Variants in FMN2 observed in about 807,000 individuals in gnomAD.
FMN2 encodes formin 2, also known as formin-2.
In FMN2, 51 loss-of-function variants were observed where a neutral mutation model predicts 142.3. The observed-to-expected ratio is 0.36, with a 90% CI of 0.29 to 0.45. FMN2 has a LOEUF of 0.45. Ranked by LOEUF, FMN2 falls within the 20% of genes least tolerant of loss-of-function variation. The pLI is 1.00. For synonymous variants in FMN2, 882 were observed against 869.8 expected (o/e 1.01, Z -0.25); for missense variants, 1,936 against 2,122.8 (o/e 0.91, Z 1.73).
At chr1:240,188,354 G>T (rs943701933) in intron 4 of FMN2, 92 bp downstream of exon 4, 3 of 1,359,430 alleles carry the variant, frequency 2.2e-6, no homozygotes, top group Non-Finnish European at 3.1e-6. Flanking sequence ...CCATCTGCCC[G>T]GCTGGCTAGG....
chr1:240,216,015 T>G (rs996950384), intron 6 of FMN2, among the ~76,000 whole-genome samples: 2 of 152,188 alleles, frequency 1.3e-5, no homozygotes, highest in Non-Finnish European at 2.9e-5. Flanking sequence ...GGCCAATATT[T>G]TAGCAGATTT....
chr1:240,201,994 ATGT>A (rs1162789785), intron 4 of FMN2, among the ~76,000 whole-genome samples: 3 of 152,208 alleles, frequency 2.0e-5, no homozygotes, highest in South Asian at 2.1e-4. Flanking sequence ...GGACATTTGA[ATGT>A]TGTTGTAGAG....
chr1:240,104,641 C>A (rs1661536043), intron 1 of FMN2, among the ~76,000 whole-genome samples: 1 of 152,138 alleles, frequency 6.6e-6, no homozygotes, highest in African/African-American at 2.4e-5. Flanking sequence ...CTCTGAGTTG[C>A]AGACCTCATT....
At chr1:240,386,015 A>G (rs1673395227) in intron 14 of FMN2, among the ~76,000 whole-genome samples, 1 of 152,194 alleles carries the variant, frequency 6.6e-6, no homozygotes, top group Admixed American at 6.5e-5. Context: ...GGAGTATTCC[A>G]CAACATTGTT....
chr1:240,351,090 A>G (rs576207542), intron 13 of FMN2, among the ~76,000 whole-genome samples: 1 of 152,332 alleles, frequency 6.6e-6, no homozygotes, highest in Admixed American at 6.5e-5. Context: ...TCTATCCTCA[A>G]AACAAGCAGA....
intron 6 of FMN2, among the ~76,000 whole-genome samples, chr1:240,216,034 A>G (rs1666881873): frequency 6.6e-6 from 1 of 152,206 alleles, no homozygotes; most frequent in Non-Finnish European, 1.5e-5. Context: ...TTTGACAAGT[A>G]TATAAACTGT....
intron 15 of FMN2, among the ~76,000 whole-genome samples, chr1:240,429,865 TC>T (rs1675079091): frequency 6.6e-6 from 1 of 150,982 alleles, no homozygotes; most frequent in Non-Finnish European, 1.5e-5. Context: ...CTGTGAACAT[TC>T]CTTTTTTGTT....
chr1:240,120,343 C>G (rs959977182), intron 1 of FMN2, among the ~76,000 whole-genome samples: 2 of 152,134 alleles, frequency 1.3e-5, no homozygotes, highest in African/African-American at 4.8e-5. Context: ...CAAAATTAAA[C>G]CAGTGAAAAA....
intron 8 of FMN2, among the ~76,000 whole-genome samples, chr1:240,324,692 AGAGG>A (rs199636897): frequency 0.068 from 9,067 of 133,248 alleles, 499 homozygotes; most frequent in Admixed American, 0.19. Flanking sequence ...AGAGAGAGAG[AGAGG>A]GAGGGAGGGA....
At chr1:240,286,351 A>C (rs140436901) in intron 7 of FMN2, among the ~76,000 whole-genome samples, 388 of 152,308 alleles carry the variant, frequency 2.5e-3, no homozygotes, top group Non-Finnish European at 4.0e-3. Flanking sequence ...AAGAAAATCA[A>C]CCTGATGAAG....
chr1:240,144,115 C>T, intron 2 of FMN2: 1 of 1,174,782 alleles, frequency 8.5e-7, no homozygotes, highest in Non-Finnish European at 1.3e-6. Flanking sequence ...CCACCATCCA[C>T]ATCCCACAGC....
chr1:240,428,388 T>C (rs1447795683), intron 15 of FMN2, among the ~76,000 whole-genome samples: 2 of 136,806 alleles, frequency 1.5e-5, no homozygotes, highest in Middle Eastern at 3.5e-3. Flanking sequence ...CCACCACACC[T>C]GGCAAATTTT....
chr1:240,441,400 G>A (rs1675613457), intron 16 of FMN2, among the ~76,000 whole-genome samples: 1 of 152,112 alleles, frequency 6.6e-6, no homozygotes, highest in African/African-American at 2.4e-5. Flanking sequence ...TTAAGAGTGT[G>A]AAACTTCTTG....
At chr1:240,460,219 T>C (rs992125837) in intron 16 of FMN2, among the ~76,000 whole-genome samples, 10 of 152,274 alleles carry the variant, frequency 6.6e-5, no homozygotes, top group Non-Finnish European at 1.2e-4. Context: ...CTGTATTTGC[T>C]AAAAGACATG....
intron 4 of FMN2, among the ~76,000 whole-genome samples, chr1:240,196,575 G>A (rs1040801119): frequency 1.3e-5 from 2 of 152,086 alleles, no homozygotes; most frequent in African/African-American, 4.8e-5. Flanking sequence ...GCAATGGCAT[G>A]ATCTCGGCTC....
rs965621739 is a variant in FMN2, at chr1:240,333,207, A to C, written c.4585-680A>C. Among the ~76,000 whole-genome samples the C allele has an allele frequency of 6.4e-4, 97 of 152,170 alleles. 2 individuals are homozygous for C. Among genetic ancestry groups the C allele is most frequent in the African/African-American group, 2.1e-3 (86 of 41,462 alleles). The stretch of plus-strand genomic sequence containing the variant: ...AATGCGCCTAAATAAACCAGAAAGG[A>C]GGTGAAAAGGTATTTTTGAAGTGTG... On this transcript the variant is annotated intron_variant, in intron 11 of 17. Coordinates refer to ENST00000319653, the MANE Select transcript of FMN2 (RefSeq NM_020066.5).
intron 14 of FMN2, among the ~76,000 whole-genome samples, chr1:240,361,947 G>A (rs1672500401): frequency 6.6e-6 from 1 of 152,224 alleles, no homozygotes; most frequent in South Asian, 2.1e-4. Context: ...ACGGAAGCCA[G>A]AATTGGGAAG....
intron 7 of FMN2, among the ~76,000 whole-genome samples, chr1:240,262,016 G>T (rs1322259512): frequency 6.6e-6 from 1 of 152,012 alleles, no homozygotes; most frequent in Non-Finnish European, 1.5e-5. Context: ...GCTGTAGGAG[G>T]GTCCCTTCAG....
chr1:240,278,601 G>A (rs1030299741), intron 7 of FMN2, among the ~76,000 whole-genome samples: 1 of 152,108 alleles, frequency 6.6e-6, no homozygotes, highest in African/African-American at 2.4e-5. Flanking sequence ...TTTATTAATA[G>A]GAAATTGCTT....
Sources: allele counts gnomAD v4.1 joint callset (sites outside exome capture counted in the v4.1 genomes callset), GRCh38; gene constraint gnomAD v4.1.1; transcripts MANE v1.5; gene names NCBI Gene and HGNC (gene_info 2026-07-23, HGNC 2026-07-21).